The following DNAH3 variants were observed in gnomAD, a reference collection of about 807,000 sequenced individuals.
The protein encoded by DNAH3 is dynein axonemal heavy chain 3, also known as axonemal beta dynein heavy chain 3.
A neutral mutation model predicts 432.5 loss-of-function variants in DNAH3; 332 were observed. That is an observed-to-expected ratio of 0.77 (90% confidence interval 0.70 to 0.84). DNAH3 has a LOEUF of 0.84. Ranked by LOEUF, DNAH3 falls within the 40% of genes least tolerant of loss-of-function variation. DNAH3 has a pLI of 0.00. For missense variants in DNAH3, 4,861 were observed against 5,114.0 expected (o/e 0.95, Z 1.51); for synonymous variants, 1,956 against 1,900.2 (o/e 1.03, Z -0.76).
chr16:21,083,690 T>G (rs979208577), intron 19 of DNAH3, among the ~76,000 whole-genome samples: 5 of 145,590 alleles, frequency 3.4e-5, no homozygotes, highest in African/African-American at 1.0e-4. Flanking sequence ...GTGCTACAGA[T>G]GGCTCATCCT....
intron 31 of DNAH3, among the ~76,000 whole-genome samples, chr16:21,042,529 T>C (rs909156312): frequency 1.3e-5 from 2 of 152,188 alleles, no homozygotes; most frequent in African/African-American, 2.4e-5. Context: ...CTGATCTTTA[T>C]TCATCATCCA....
At chr16:21,017,618 G>A (rs1439947545) in intron 41 of DNAH3, among the ~76,000 whole-genome samples, 1 of 152,094 alleles carries the variant, frequency 6.6e-6, no homozygotes, top group African/African-American at 2.4e-5. Context: ...GCCACCTTGG[G>A]CGCATGTTTG....
rs966187392 is a variant in DNAH3, at chr16:20,986,163, T to C, written c.7027-448A>G. On this transcript the variant is annotated intron_variant, in intron 47 of 61. Transcript: ENST00000261383. Reference sequence around the variant, plus strand: ...GAGCCACTGTGCCCGGCCCAGTCTTTTTGTTTTTTAAACATAATATGTGGA... The same window carrying C: ...GAGCCACTGTGCCCGGCCCAGTCTTCTTGTTTTTTAAACATAATATGTGGA... 2.0e-5 allele frequency among the ~76,000 whole-genome samples: 3 copies of C among 151,756 alleles called. No homozygotes were observed. In the East Asian group the frequency reaches 5.9e-4, roughly 30 times the overall value.
chr16:21,033,872 A>G (rs971917875), intron 36 of DNAH3, 102 bp downstream of exon 36: 70 of 731,062 alleles, frequency 9.6e-5, no homozygotes, highest in Non-Finnish European at 1.5e-4. Context: ...TGACGTCACG[A>G]TCGAGGCCTG....
chr16:21,019,467 A>G (rs1321595992), intron 41 of DNAH3, 157 bp downstream of exon 41: 6 of 846,904 alleles, frequency 7.1e-6, no homozygotes, highest in African/African-American at 1.7e-5. Flanking sequence ...GCCAATGATG[A>G]TATTTTAATT....
intron 41 of DNAH3, among the ~76,000 whole-genome samples, chr16:21,015,682 T>G (rs2087823260): frequency 1.3e-5 from 2 of 152,244 alleles, no homozygotes; most frequent in African/African-American, 4.8e-5. Flanking sequence ...ACTCTCTGTA[T>G]TTTCTGCAAC....
At chr16:20,933,963 A>AT (rs1295533384) in intron 61 of DNAH3, among the ~76,000 whole-genome samples, 1 of 152,208 alleles carries the variant, frequency 6.6e-6, no homozygotes, top group Non-Finnish European at 1.5e-5. Flanking sequence ...CCTACCAACT[A>AT]TTTAACAACC....
chr16:21,153,032 G>A (rs1057262693), intron 1 of DNAH3, among the ~76,000 whole-genome samples: 2 of 152,246 alleles, frequency 1.3e-5, no homozygotes, highest in South Asian at 2.1e-4. Context: ...CCCGGTGCAG[G>A]AGCCACTGGG....
chr16:21,120,295 G>C (rs1272932199), intron 11 of DNAH3, among the ~76,000 whole-genome samples: 1 of 151,764 alleles, frequency 6.6e-6, no homozygotes, highest in East Asian at 1.9e-4. Flanking sequence ...ATGAGGTCTT[G>C]CTATATTGCC....
intron 53 of DNAH3, 75 bp downstream of exon 53, chr16:20,963,209 G>A (rs2084901393): frequency 7.1e-7 from 1 of 1,410,726 alleles, no homozygotes; most frequent in South Asian, 1.3e-5. Context: ...GATCCCTGCT[G>A]TAAGGGACGG....
chr16:20,974,404 G>A (rs2085479559), intron 51 of DNAH3, among the ~76,000 whole-genome samples: 1 of 151,608 alleles, frequency 6.6e-6, no homozygotes, highest in African/African-American at 2.4e-5. Context: ...GGGAGGCTGA[G>A]GTGGGAGGAT....
At chr16:21,118,862 T>C (rs1381858164) in intron 11 of DNAH3, among the ~76,000 whole-genome samples, 1 of 152,250 alleles carries the variant, frequency 6.6e-6, no homozygotes, top group Non-Finnish European at 1.5e-5. Flanking sequence ...GCTGCAAAGT[T>C]CCTGCCTGGG....
At chr16:21,011,025 GGTAGGGCAT>G (rs764960419) in intron 41 of DNAH3, among the ~76,000 whole-genome samples, 31 of 152,000 alleles carry the variant, frequency 2.0e-4, no homozygotes, top group Non-Finnish European at 4.4e-5. Context: ...GCATCTGCTG[GGTAGGGCAT>G]GGAGGGAGGA....
intron 21 of DNAH3, among the ~76,000 whole-genome samples, chr16:21,072,814 A>AATTATTATTATTATT (rs10592697): frequency 2.0e-5 from 3 of 146,408 alleles, no homozygotes; most frequent in Non-Finnish European, 4.5e-5. Context: ...ATACTCAGCT[A>AATTATTATTATTATT]ATTATTATTA....
intron 16 of DNAH3, among the ~76,000 whole-genome samples, chr16:21,099,097 A>G (rs1597373985): frequency 6.6e-6 from 1 of 152,212 alleles, no homozygotes. Context: ...TCATTCAGCC[A>G]TTAGACATTT....
chr16:20,963,033 G>GT (rs35072934), intron 53 of DNAH3, among the ~76,000 whole-genome samples: 16,828 of 152,172 alleles, frequency 0.11, 1,109 homozygotes, highest in East Asian at 0.17. Flanking sequence ...TCCATTTCTG[G>GT]TTCTCTTGAA....
intron 52 of DNAH3, among the ~76,000 whole-genome samples, chr16:20,968,329 A>G (rs1461220946): frequency 1.3e-5 from 2 of 152,170 alleles, no homozygotes; most frequent in Non-Finnish European, 2.9e-5. Flanking sequence ...TCAGCCTCCC[A>G]AAGTGCTGGG....
At chr16:20,987,920 G>C in intron 45 of DNAH3, 22 bp downstream of exon 45, 1 of 1,614,148 alleles carries the variant, frequency 6.2e-7, no homozygotes, top group Non-Finnish European at 8.5e-7. Context: ...CCACTATCCA[G>C]GAAGACAGAG....
chr16:21,049,484 G>A, intron 31 of DNAH3, 85 bp downstream of exon 31: 2 of 1,024,918 alleles, frequency 2.0e-6, no homozygotes, highest in Non-Finnish European at 3.0e-6. Flanking sequence ...AGAGATATAA[G>A]GCCCTGTTAT....
Sources: gnomAD v4.1 joint callset for allele counts (sites outside exome capture counted in the v4.1 genomes callset) on GRCh38, gnomAD v4.1.1 for gene constraint, MANE v1.5 for transcripts, NCBI Gene and HGNC (gene_info 2026-07-23, HGNC 2026-07-21) for gene names.